ATP2B2: variants seen among roughly 807,000 people sequenced by gnomAD.
ATP2B2 encodes ATPase plasma membrane Ca2+ transporting 2.
Under a neutral mutation model 120.0 loss-of-function variants are expected in ATP2B2, and 15 were observed. That is an observed-to-expected ratio of 0.12 (90% CI 0.08 to 0.19). The LOEUF is 0.19. Among genes scored for constraint, ATP2B2 ranks in the 10% least tolerant of loss-of-function variants. ATP2B2 has a pLI of 1.00. For missense variants in ATP2B2, 1,045 were observed against 1,719.8 expected, an observed-to-expected ratio of 0.61 and a Z score of 6.94; for synonymous variants, 694 against 700.3, an observed-to-expected ratio of 0.99 and a Z score of 0.14.
chr3:10,649,531 T>C (rs1188544710), intron 1 of ATP2B2, among the ~76,000 whole-genome samples: 6 of 152,224 alleles, frequency 3.9e-5, no homozygotes, highest in Non-Finnish European at 7.3e-5. Flanking sequence ...TTCCCTCAGA[T>C]GGAGCATTCC....
At chr3:10,597,220 C>T (rs2068791519) in intron 2 of ATP2B2, among the ~76,000 whole-genome samples, 1 of 150,102 alleles carries the variant, frequency 6.7e-6, no homozygotes, top group Admixed American at 6.6e-5. Context: ...AACCTAGGCA[C>T]ACACACACAG....
At chr3:10,557,895 G>A (rs964979946) in intron 2 of ATP2B2, among the ~76,000 whole-genome samples, 17 of 152,050 alleles carry the variant, frequency 1.1e-4, no homozygotes, top group African/African-American at 3.9e-4. Context: ...GGGCAAACTC[G>A]AAGATCAAGT....
At chr3:10,394,223 C>A (rs544722245) in intron 5 of ATP2B2, among the ~76,000 whole-genome samples, 1 of 152,130 alleles carries the variant, frequency 6.6e-6, no homozygotes, top group African/African-American at 2.4e-5. Flanking sequence ...GGGCTATTAT[C>A]TGCCTCCAGG....
At chr3:10,659,940 A>C (rs1302915917) in intron 1 of ATP2B2, among the ~76,000 whole-genome samples, 1 of 152,190 alleles carries the variant, frequency 6.6e-6, no homozygotes, top group Non-Finnish European at 1.5e-5. Flanking sequence ...AGAATTAAGA[A>C]ACTCACTCAA....
rs138683043 is a variant in ATP2B2 at position 10,539,192 on chromosome 3, A to G, written c.-414-5059T>C. On this transcript the variant is annotated intron_variant, in intron 2 of 21. Transcript: ENST00000646379. ...GATGTGAAGGACCTCTTCAAGGAGA[A>G]CTACAAACCACTGCTCAATGAAATA... Among the ~76,000 whole-genome samples the G allele has an allele frequency of 3.9e-3, 587 of 152,328 alleles. 20 individuals are homozygous for G. In the East Asian group the frequency reaches 0.089, roughly 23 times the overall value.
chr3:10,397,663 G>A (rs1042234391), intron 5 of ATP2B2, among the ~76,000 whole-genome samples: 6 of 152,134 alleles, frequency 3.9e-5, no homozygotes, highest in African/African-American at 9.7e-5. Flanking sequence ...ATTGAAGGGA[G>A]CAAGACAAGG....
At chr3:10,378,111 G>A in intron 10 of ATP2B2, 141 bp downstream of exon 10, 2 of 1,161,744 alleles carry the variant, frequency 1.7e-6, no homozygotes, top group Non-Finnish European at 2.4e-6. Context: ...ACTGGGTGCT[G>A]TGGTAGAGAA....
intron 1 of ATP2B2, among the ~76,000 whole-genome samples, chr3:10,691,210 G>T (rs1169872181): frequency 6.6e-6 from 1 of 152,196 alleles, no homozygotes; most frequent in Non-Finnish European, 1.5e-5. Flanking sequence ...CAGGGGTCTT[G>T]TCTGCAATAT....
At chr3:10,369,874 G>C (rs558835897) in intron 12 of ATP2B2, among the ~76,000 whole-genome samples, 39 of 152,296 alleles carry the variant, frequency 2.6e-4, no homozygotes, top group African/African-American at 9.1e-4. Context: ...ATCGACGGCT[G>C]TCAGCTCCCA....
intron 2 of ATP2B2, among the ~76,000 whole-genome samples, chr3:10,615,601 C>T (rs2069363730): frequency 1.3e-5 from 2 of 152,140 alleles, no homozygotes; most frequent in South Asian, 4.1e-4. Flanking sequence ...ACCTTGAAGC[C>T]AGTGTCAAGG....
intron 1 of ATP2B2, among the ~76,000 whole-genome samples, chr3:10,664,191 C>T (rs2070864583): frequency 6.6e-6 from 1 of 152,042 alleles, no homozygotes; most frequent in African/African-American, 2.4e-5. Context: ...CGGCACCCTG[C>T]TCCCTTTTCC....
intron 1 of ATP2B2, among the ~76,000 whole-genome samples, chr3:10,490,920 A>G (rs542809887): frequency 6.6e-6 from 1 of 152,308 alleles, no homozygotes; most frequent in Admixed American, 6.5e-5. Context: ...GGGGTGAAGG[A>G]AGCAGCTTTT....
intron 9 of ATP2B2, 76 bp from the exon 10 acceptor site, chr3:10,378,486 ACG>A: frequency 6.3e-7 from 1 of 1,576,578 alleles, no homozygotes; most frequent in Non-Finnish European, 8.6e-7. Flanking sequence ...CAGGGTGGAG[ACG>A]CTGGCACCCA....
chr3:10,527,787 G>A lies in ATP2B2; in HGVS notation c.-320+6252C>T, dbSNP rs990466622. On this transcript the variant is annotated intron_variant, in intron 3 of 21. Coordinates refer to the ATP2B2 transcript ENST00000646379. ...GTGAATCACCCGGTGTCCCCGCTGG[G>A]TTTCAGGCCACGGACACAAGTACCC... is the stretch of plus-strand genomic sequence containing the variant. Among the ~76,000 whole-genome samples the A allele has an allele frequency of 2.6e-5, 4 of 152,200 alleles. No homozygotes were observed. The South Asian group carries it at 8.3e-4, about 32-fold the overall frequency.
intron 2 of ATP2B2, among the ~76,000 whole-genome samples, chr3:10,421,669 C>G (rs771004651): frequency 2.0e-5 from 3 of 152,180 alleles, no homozygotes; most frequent in Admixed American, 6.5e-5. Context: ...TCACAATCAT[C>G]CAGTTCCTGG....
intron 9 of ATP2B2, 89 bp downstream of exon 9, chr3:10,379,154 C>T (rs776876663): frequency 2.0e-6 from 3 of 1,469,872 alleles, no homozygotes; most frequent in Non-Finnish European, 2.8e-6. Context: ...GCCTCTGGCC[C>T]TTGCCAGTCT....
chr3:10,487,476 G>C (rs1203732385), intron 1 of ATP2B2, among the ~76,000 whole-genome samples: 1 of 152,216 alleles, frequency 6.6e-6, no homozygotes, highest in Non-Finnish European at 1.5e-5. Flanking sequence ...TCACTGGCAA[G>C]GGCAGAGAGC....
intron 1 of ATP2B2, among the ~76,000 whole-genome samples, chr3:10,483,633 C>T (rs527372578): frequency 1.3e-5 from 2 of 152,302 alleles, no homozygotes; most frequent in South Asian, 4.2e-4. Flanking sequence ...CTCAGCTGCT[C>T]TGTCCCCTGC....
At chr3:10,444,597 G>A (rs756578148) in intron 2 of ATP2B2, among the ~76,000 whole-genome samples, 4 of 152,184 alleles carry the variant, frequency 2.6e-5, no homozygotes, top group East Asian at 3.9e-4. Flanking sequence ...CCCTGCTGCC[G>A]CCCCATCTTT....
Sources: allele counts gnomAD v4.1 joint callset (sites outside exome capture counted in the v4.1 genomes callset), GRCh38; gene constraint gnomAD v4.1.1; transcripts MANE v1.5; gene names NCBI Gene and HGNC (gene_info 2026-07-23, HGNC 2026-07-21).